The following ARHGEF3 variants were observed in gnomAD, a reference collection of about 807,000 sequenced individuals.
ARHGEF3 encodes the protein 59.8 kDA protein.
Under a neutral mutation model 63.2 loss-of-function variants are expected in ARHGEF3, and 28 were observed. The observed-to-expected ratio is 0.44, with a 90% CI of 0.33 to 0.61. ARHGEF3 has a LOEUF of 0.61. ARHGEF3 is among the 20% of genes least tolerant of loss of function. ARHGEF3 has a pLI of 0.03. For missense variants in ARHGEF3, 533 were observed against 659.3 expected (o/e 0.81, Z 2.10); for synonymous variants, 266 against 254.2 (o/e 1.05, Z -0.44).
chr3:56,973,208 G>A (rs1219263333), intron 2 of ARHGEF3, among the ~76,000 whole-genome samples: 3 of 152,128 alleles, frequency 2.0e-5, no homozygotes, highest in African/African-American at 4.8e-5. Flanking sequence ...TAGTAGAGAC[G>A]GGGTTTCACC....
intron 3 of ARHGEF3, among the ~76,000 whole-genome samples, chr3:56,887,506 T>C (rs1290049921): frequency 1.3e-5 from 2 of 152,136 alleles, no homozygotes; most frequent in African/African-American, 4.8e-5. Flanking sequence ...ACCTGGCACA[T>C]AGTAAGTGCA....
At chr3:56,940,430 G>A (rs993760989) in intron 3 of ARHGEF3, among the ~76,000 whole-genome samples, 4 of 152,166 alleles carry the variant, frequency 2.6e-5, no homozygotes, top group Admixed American at 6.5e-5. Context: ...ATGCAAATCT[G>A]CTCAACTGGC....
intron 2 of ARHGEF3, among the ~76,000 whole-genome samples, chr3:56,980,799 G>T (rs909183911): frequency 6.6e-6 from 1 of 152,186 alleles, no homozygotes; most frequent in Non-Finnish European, 1.5e-5. Flanking sequence ...CAAGTAACTT[G>T]ACTTGGGTCA....
chr3:57,020,569 G>A (rs1179616760), intron 2 of ARHGEF3, among the ~76,000 whole-genome samples: 1 of 152,224 alleles, frequency 6.6e-6, no homozygotes, highest in East Asian at 1.9e-4. Flanking sequence ...CACTCGGGAA[G>A]CTCTGCTGGA....
intron 2 of ARHGEF3, among the ~76,000 whole-genome samples, chr3:56,767,616 C>T (rs2035782530): frequency 6.7e-6 from 1 of 148,272 alleles, no homozygotes; most frequent in Non-Finnish European, 1.5e-5. Context: ...AATGCACATG[C>T]AAGTATAGTA....
At chr3:56,852,047 C>G (rs1300498024) in intron 4 of ARHGEF3, among the ~76,000 whole-genome samples, 1 of 152,184 alleles carries the variant, frequency 6.6e-6, no homozygotes, top group Non-Finnish European at 1.5e-5. Context: ...TGTTATCTGA[C>G]CCTTACCCTG....
At chr3:56,883,966 G>T (rs1031761009) in intron 3 of ARHGEF3, among the ~76,000 whole-genome samples, 9 of 152,128 alleles carry the variant, frequency 5.9e-5, no homozygotes, top group Admixed American at 5.9e-4. Context: ...TTTAACAAAG[G>T]TTTGTTGAGC....
intron 3 of ARHGEF3, 139 bp downstream of exon 3, chr3:56,754,842 G>T: frequency 8.6e-7 from 1 of 1,157,568 alleles, no homozygotes; most frequent in Non-Finnish European, 1.2e-6. Context: ...CCTTCCCCAA[G>T]GTCAGACACT....
intron 2 of ARHGEF3, among the ~76,000 whole-genome samples, chr3:56,968,022 AT>A (rs1700670231): frequency 2.4e-4 from 5 of 20,760 alleles, no homozygotes; most frequent in Non-Finnish European, 4.2e-4. Context: ...AATATAAAAC[AT>A]ATATATTTAA....
chr3:56,864,652 A>C (rs1297119461), intron 4 of ARHGEF3, among the ~76,000 whole-genome samples: 1 of 152,246 alleles, frequency 6.6e-6, no homozygotes, highest in African/African-American at 2.4e-5. Context: ...GCGTGACTAT[A>C]GGAGATGCTC....
chr3:57,005,101 T>C (rs1156402532), intron 2 of ARHGEF3, among the ~76,000 whole-genome samples: 1 of 152,120 alleles, frequency 6.6e-6, no homozygotes, highest in African/African-American at 2.4e-5. Context: ...ATGTAGACTA[T>C]AAGGCCAAAA....
chr3:56,851,810 T>G (rs534600590), intron 4 of ARHGEF3, among the ~76,000 whole-genome samples: 85 of 152,164 alleles, frequency 5.6e-4, no homozygotes, highest in African/African-American at 2.0e-3. Context: ...GCATTCACAA[T>G]GTTGCCCAGG....
chr3:56,927,197 T>G (rs1337597830), intron 3 of ARHGEF3, among the ~76,000 whole-genome samples: 1 of 152,244 alleles, frequency 6.6e-6, no homozygotes, highest in African/African-American at 2.4e-5. Flanking sequence ...GAGGACCCAC[T>G]GCAAAAAGTT....
At chr3:56,967,344 C>T (rs184655829) in intron 2 of ARHGEF3, among the ~76,000 whole-genome samples, 2,806 of 47,444 alleles carry the variant, frequency 0.059, 505 homozygotes, top group East Asian at 0.13. Flanking sequence ...TTGTACATAT[C>T]ATATATTATA....
At chr3:56,763,173 G>A (rs970874952) in intron 2 of ARHGEF3, among the ~76,000 whole-genome samples, 1 of 152,130 alleles carries the variant, frequency 6.6e-6, no homozygotes, top group Non-Finnish European at 1.5e-5. Flanking sequence ...TCTCTAAAAG[G>A]TGCATAATAA....
intron 2 of ARHGEF3, among the ~76,000 whole-genome samples, chr3:57,018,411 T>A (rs1703113920): frequency 6.6e-6 from 1 of 152,198 alleles, no homozygotes; most frequent in Non-Finnish European, 1.5e-5. Flanking sequence ...CATTATCTCA[T>A]TTCATCCTCA....
chr3:56,792,114 AAAAGAAAAG>A (rs1237557088), intron 1 of ARHGEF3, among the ~76,000 whole-genome samples: 7 of 117,910 alleles, frequency 5.9e-5, no homozygotes, highest in African/African-American at 2.7e-4. Flanking sequence ...AAAAAAAAAA[AAAAGAAAAG>A]AAAAGAAAAG....
At chr3:57,017,956 C>T (rs751724470) in intron 2 of ARHGEF3, among the ~76,000 whole-genome samples, 8 of 152,168 alleles carry the variant, frequency 5.3e-5, no homozygotes, top group Non-Finnish European at 8.8e-5. Context: ...GCAGTAGTTA[C>T]GCTGTGAAAA....
intron 3 of ARHGEF3, among the ~76,000 whole-genome samples, chr3:56,929,674 G>A (rs563615738): frequency 8.5e-5 from 13 of 152,294 alleles, no homozygotes; most frequent in African/African-American, 3.1e-4. Flanking sequence ...CATAGTCACG[G>A]TGACAAGTGG....
Sources: gnomAD v4.1 joint callset for allele counts (sites outside exome capture counted in the v4.1 genomes callset) on GRCh38, gnomAD v4.1.1 for gene constraint, MANE v1.5 for transcripts, NCBI Gene and HGNC (gene_info 2026-07-23, HGNC 2026-07-21) for gene names.